DYSF: variants seen among roughly 807,000 people sequenced by gnomAD.
DYSF encodes the protein dysferlin.
In DYSF, 212 loss-of-function variants were observed where a neutral mutation model predicts 274.9. The observed-to-expected ratio is 0.77, with a 90% confidence interval of 0.69 to 0.86. The LOEUF is 0.86. Ranked by LOEUF, DYSF falls within the 40% of genes least tolerant of loss-of-function variation. DYSF has a pLI of 0.00. For synonymous variants in DYSF, 1,091 were observed against 1,078.7 expected (o/e 1.01, Z -0.22); for missense variants, 2,666 against 2,783.2 (o/e 0.96, Z 0.95).
rs935559688 is a variant in DYSF, at chr2:71,470,399, G to A, written c.91+3466G>A. Among the ~76,000 whole-genome samples the A allele has an allele frequency of 7.2e-5, 11 of 152,272 alleles. No homozygotes were observed. In the East Asian group the frequency reaches 1.9e-3, roughly 27 times the overall value. On this transcript the variant is annotated intron_variant, in intron 1 of 55. Transcript: ENST00000410020. ...AAAATATTGAAAACAGCGGCCAGGCGTGGTGGCTCACGCCTGTAATCCCAG... is the reference window on the plus strand; with the variant it reads ...AAAATATTGAAAACAGCGGCCAGGCATGGTGGCTCACGCCTGTAATCCCAG...
At chr2:71,542,027 G>A (rs2089968728) in intron 17 of DYSF, among the ~76,000 whole-genome samples, 1 of 152,208 alleles carries the variant, frequency 6.6e-6, no homozygotes, top group Non-Finnish European at 1.5e-5. Flanking sequence ...GACAGCTGAA[G>A]GCAGAGTGGG....
chr2:71,679,158 G>A lies in DYSF; in HGVS notation c.5986G>A (p.Val1996Met), dbSNP rs1371103409. 2.5e-6 allele frequency: 4 copies of A among 1,613,988 alleles called. No individual in the cohort carries two copies. Among genetic ancestry groups the A allele is most frequent in the South Asian group, 1.1e-5 (1 of 91,078 alleles). ...TGATGCTTTCCACCCAGAATGGTTT[G>A]TGTCCCTTTTTGAGCAGAAAACAGT... Reference protein sequence around the residue: ...LDDAFHPEWFVSLFEQKTVKG... With the variant: ...LDDAFHPEWFMSLFEQKTVKG... Residue 1996 changes from valine to methionine, a missense_variant, in exon 53 of 56, where the codon GTG becomes ATG. Around this residue, in one of 3 missense-constraint regions of DYSF, gnomAD observed 1,460 missense variants for 1,502.1 expected, o/e 0.97. Transcript: ENST00000410020.
intron 21 of DYSF, among the ~76,000 whole-genome samples, chr2:71,554,653 C>T (rs1436865996): frequency 6.6e-6 from 1 of 152,034 alleles, no homozygotes; most frequent in East Asian, 1.9e-4. Context: ...CCTTGGTGGC[C>T]GACTGGATTT....
chr2:71,513,617 A>G (rs2086332190), intron 6 of DYSF, 99 bp from the exon 7 acceptor site: 1 of 1,252,398 alleles, frequency 8.0e-7, no homozygotes. Flanking sequence ...CTTAGGGCCC[A>G]TGCCTTTTGG....
chr2:71,482,049 G>A, intron 3 of DYSF, 79 bp downstream of exon 3: 5 of 1,200,710 alleles, frequency 4.2e-6, no homozygotes, highest in Non-Finnish European at 6.1e-6. Context: ...CAGAATCCCA[G>A]GCCCCAGGGA....
rs2152748611 is a variant in DYSF, at chr2:71,526,294, G to A, written c.1224G>A (p.Leu408=). 1 of 1,614,244 alleles carries A rather than the reference G, an allele frequency of 6.2e-7. No homozygotes were observed. Among genetic ancestry groups the A allele is most frequent in the Non-Finnish European group, 8.5e-7 (1 of 1,180,042 alleles). The change falls in exon 13 of 56, where the codon CTG becomes CTA. Residue 408 remains leucine (L), a synonymous_variant. Transcript: ENST00000410020. ...SNLLRPTGVA[L]RGAHFCLKVF... Reference sequence around the variant, plus strand: ...TGCTCCGGCCCACAGGCGTAGCCCTGCGAGGAGCCCACTTCTGCCTGAAGG... The same window carrying A: ...TGCTCCGGCCCACAGGCGTAGCCCTACGAGGAGCCCACTTCTGCCTGAAGG...
intron 17 of DYSF, among the ~76,000 whole-genome samples, chr2:71,541,176 AC>A (rs2089892725): frequency 6.6e-6 from 1 of 152,294 alleles, no homozygotes; most frequent in South Asian, 2.1e-4. Context: ...GTCTTCTCTA[AC>A]ATCTGGAACA....
chr2:71,582,824 T>A (rs1002029571), intron 30 of DYSF, among the ~76,000 whole-genome samples: 2 of 151,900 alleles, frequency 1.3e-5, no homozygotes, highest in Admixed American at 1.3e-4. Flanking sequence ...AATATTTCCA[T>A]CACAGATACA....
intron 14 of DYSF, among the ~76,000 whole-genome samples, chr2:71,531,839 A>T (rs2152756542): frequency 6.6e-6 from 1 of 152,244 alleles, no homozygotes; most frequent in Admixed American, 6.5e-5. Flanking sequence ...TTCAATGCTG[A>T]TGACTCAGCA....
chr2:71,629,479 G>C (rs564412174), intron 41 of DYSF, among the ~76,000 whole-genome samples: 9 of 152,284 alleles, frequency 5.9e-5, no homozygotes, highest in Non-Finnish European at 1.0e-4. Context: ...TTATGTGTTT[G>C]ATTGTGAACT....
At chr2:71,539,071 T>G in intron 16 of DYSF, 86 bp from the exon 17 acceptor site, 1 of 1,217,336 alleles carries the variant, frequency 8.2e-7, no homozygotes, top group Non-Finnish European at 1.2e-6. Flanking sequence ...CCCTGTGATG[T>G]GTAACCGAGG....
In DYSF at chr2:71,589,704, G is replaced by T; in HGVS notation, c.3496+18G>T. 1 of 1,604,898 alleles carries T rather than the reference G, an allele frequency of 6.2e-7. No homozygotes were observed. On this transcript the variant is annotated intron_variant, in intron 31 of 55. Transcript: ENST00000410020. ...ATTCGACTGTAAGTGAGGCTTCGAG[G>T]CCTCTATGGGGTGATAAGGGTGTGT...
intron 48 of DYSF, among the ~76,000 whole-genome samples, chr2:71,668,145 C>G (rs2095051011): frequency 6.6e-6 from 1 of 152,106 alleles, no homozygotes; most frequent in Non-Finnish European, 1.5e-5. Context: ...CATGAGGATG[C>G]CTTTGTGAAT....
rs376565721 is a variant in DYSF, at chr2:71,552,562, C to T, written c.1807-449C>T. Among the ~76,000 whole-genome samples, 17 of 152,302 alleles carry T rather than the reference C, an allele frequency of 1.1e-4. No homozygotes were observed. In the East Asian group the frequency reaches 2.1e-3, roughly 19 times the overall value. ...TCCCAGGCACATGACAGTGGCAGCC[C>T]GTGTATCCTGAAGAGCTGGCTGCTG... is the stretch of plus-strand genomic sequence containing the variant. On this transcript the variant is annotated intron_variant, in intron 19 of 55. Transcript: ENST00000410020.
chr2:71,592,239 G>A (rs2093288089), intron 32 of DYSF, among the ~76,000 whole-genome samples: 1 of 152,184 alleles, frequency 6.6e-6, no homozygotes, highest in East Asian at 1.9e-4. Flanking sequence ...CAAGGGCCCA[G>A]CACTGGGAGC....
At chr2:71,562,689 G>C (rs1437890685) in intron 23 of DYSF, among the ~76,000 whole-genome samples, 2 of 152,214 alleles carry the variant, frequency 1.3e-5, no homozygotes, top group Admixed American at 6.5e-5. Context: ...GTGTGAGAAG[G>C]GCAGGGCCAG....
chr2:71,650,100 G>A (rs2094629686), intron 42 of DYSF, among the ~76,000 whole-genome samples: 1 of 152,164 alleles, frequency 6.6e-6, no homozygotes, highest in Non-Finnish European at 1.5e-5. Context: ...CAACTTACAG[G>A]AGATATGAGA....
chr2:71,619,810 A>G (rs1347956219), intron 40 of DYSF, among the ~76,000 whole-genome samples: 1 of 152,112 alleles, frequency 6.6e-6, no homozygotes, highest in Non-Finnish European at 1.5e-5. Context: ...ATCCTAGAGT[A>G]TCGTAGTGGT....
At chr2:71,470,908 C>T (rs573823308) in intron 1 of DYSF, among the ~76,000 whole-genome samples, 1 of 151,618 alleles carries the variant, frequency 6.6e-6, no homozygotes, top group South Asian at 2.1e-4. Flanking sequence ...TCTCCTGCCT[C>T]AGCCTCCCGA....
Sources: gnomAD v4.1 joint callset for allele counts (sites outside exome capture counted in the v4.1 genomes callset) on GRCh38, gnomAD v4.1.1 for gene constraint, gnomAD v4.1.1 regional missense constraint, MANE v1.5 for transcripts, NCBI Gene and HGNC (gene_info 2026-07-23, HGNC 2026-07-21) for gene names.